BANP: variants seen among roughly 807,000 people sequenced by gnomAD.
BANP encodes the protein protein BANP.
A neutral mutation model predicts 68.1 loss-of-function variants in BANP; 11 were observed. The ratio of observed to expected loss-of-function variants is 0.16; its 90% CI spans 0.10 to 0.27. The LOEUF (loss-of-function observed/expected upper bound fraction) is 0.27, where lower values mean the gene tolerates loss of function less well. Ranked by LOEUF, BANP falls within the 10% of genes least tolerant of loss-of-function variation. BANP has a pLI of 1.00. For synonymous variants in BANP, 329 were observed against 303.2 expected (o/e 1.09, Z -0.88); for missense variants, 504 against 722.7 (o/e 0.70, Z 3.47).
rs1336768163 is a variant in BANP, at chr16:88,036,344, A to G, written c.1272+950A>G. Among the ~76,000 whole-genome samples, 1 of 152,182 alleles carries G rather than the reference A, an allele frequency of 6.6e-6. No individual in the cohort carries two copies. Among genetic ancestry groups the G allele is most frequent in the Non-Finnish European group, 1.5e-5 (1 of 68,016 alleles). On this transcript the variant is annotated intron_variant, in intron 10 of 13. Transcript: ENST00000682872. This position sits in a 1 kb window ranked among gnomAD's most constrained non-coding sequence, Gnocchi z 4.2. ...CCGGGTGCTGAGGTCAAGGGGACTC[A>G]TGGAGATGTTGGCGTGCGAGGCCTC...
At chr16:88,073,530 G>A (rs1333167792) in intron 13 of BANP, among the ~76,000 whole-genome samples, 7 of 150,752 alleles carry the variant, frequency 4.6e-5, no homozygotes, top group Non-Finnish European at 7.4e-5. Context: ...GGCCATGGGC[G>A]CAGAACGCAC....
At chr16:87,999,673 T>G (rs1233032235) in intron 4 of BANP, among the ~76,000 whole-genome samples, 2 of 26,826 alleles carry the variant, frequency 7.5e-5, no homozygotes, top group Admixed American at 3.4e-4. Flanking sequence ...TGCGCGGCTG[T>G]ACTTACCTGT....
At chr16:88,035,158 G>C in intron 9 of BANP, 165 bp from the exon 10 acceptor site, 3 of 698,788 alleles carry the variant, frequency 4.3e-6, no homozygotes, top group Non-Finnish European at 7.3e-6. Context: ...TGAACCAAAA[G>C]CTTAATTTAA....
intron 11 of BANP, among the ~76,000 whole-genome samples, chr16:88,063,952 C>T (rs2087672232): frequency 1.3e-5 from 2 of 152,192 alleles, no homozygotes; most frequent in African/African-American, 4.8e-5. Context: ...AATGTTTCTA[C>T]ATTGATTTTG....
intron 12 of BANP, among the ~76,000 whole-genome samples, chr16:88,070,490 G>A (rs1326509084): frequency 2.0e-5 from 3 of 152,188 alleles, no homozygotes; most frequent in Non-Finnish European, 4.4e-5. Context: ...CGCTCCTTAG[G>A]TTCATTCTGA....
At position 87,987,739 on chromosome 16, in the gene BANP, A is replaced by AT. The variant is rs2064836689; in HGVS notation, c.362+3480_362+3481insT. Among the ~76,000 whole-genome samples, 4 of 145,122 alleles carry AT rather than the reference A, an allele frequency of 2.8e-5. No individual in the cohort carries two copies. In the East Asian group the frequency reaches 8.1e-4, roughly 29 times the overall value. ...AAAAAAAAAAAAAAAAAAAAAAAAAAGGATGTTATTATGTCTGACATTTCT... is the reference window on the plus strand; with the variant it reads ...AAAAAAAAAAAAAAAAAAAAAAAAAATGGATGTTATTATGTCTGACATTTCT... On this transcript the variant is annotated intron_variant, in intron 4 of 13. Coordinates refer to ENST00000682872, the MANE Select transcript of BANP (RefSeq NM_001386991.1).
chr16:88,066,486 G>T (rs902449603), intron 12 of BANP, among the ~76,000 whole-genome samples: 1 of 152,194 alleles, frequency 6.6e-6, no homozygotes, highest in Non-Finnish European at 1.5e-5. Context: ...AAGGAACCCA[G>T]CTTCGACTCG....
chr16:87,969,779 A>C (rs2060782201), intron 1 of BANP, among the ~76,000 whole-genome samples: 1 of 151,606 alleles, frequency 6.6e-6, no homozygotes, highest in South Asian at 2.1e-4. Context: ...TGATCCACCC[A>C]CCTTAGCCTC....
At chr16:88,045,179 A>G (rs917470945) in intron 11 of BANP, among the ~76,000 whole-genome samples, 120 of 152,364 alleles carry the variant, frequency 7.9e-4, no homozygotes, top group African/African-American at 2.8e-3. Context: ...CATCTAGATC[A>G]GGAAAATTAG....
chr16:88,036,705 G>A lies in BANP; in HGVS notation c.1273-1268G>A, dbSNP rs2079452314. Among the ~76,000 whole-genome samples the A allele has an allele frequency of 2.0e-5, 3 of 152,254 alleles. No homozygotes were observed. Among genetic ancestry groups the A allele is most frequent in the South Asian group, 2.1e-4 (1 of 4,830 alleles). ...GAATGAGTGGGCTCATCCACACAGCGACATGACCAGGTCACTAAGAAACGT... is the reference window on the plus strand; with the variant it reads ...GAATGAGTGGGCTCATCCACACAGCAACATGACCAGGTCACTAAGAAACGT... On this transcript the variant is annotated intron_variant, in intron 10 of 13. Coordinates refer to ENST00000682872, the MANE Select transcript of BANP (RefSeq NM_001386991.1). This position sits in a 1 kb window ranked among gnomAD's most constrained non-coding sequence, Gnocchi z 4.2.
At chr16:88,044,486 T>G (rs1029630959) in intron 11 of BANP, among the ~76,000 whole-genome samples, 23 of 152,280 alleles carry the variant, frequency 1.5e-4, no homozygotes, top group African/African-American at 5.1e-4. Flanking sequence ...GTTCTGCTTT[T>G]CTGTTTCTCT....
At chr16:88,065,370 T>C in intron 12 of BANP, 38 bp downstream of exon 12, 1 of 739,398 alleles carries the variant, frequency 1.4e-6, no homozygotes, top group Non-Finnish European at 2.5e-6. Context: ...CCACCCTCTG[T>C]GGCTGGGAGG....
intron 6 of BANP, among the ~76,000 whole-genome samples, chr16:88,009,347 G>A (rs185030033): frequency 6.5e-4 from 99 of 152,324 alleles, no homozygotes; most frequent in African/African-American, 2.2e-3. Context: ...AGCCGCAGGA[G>A]ACAGATTGTT....
Position 88,072,153 on chromosome 16 carries a change from G to A in BANP, c.1462G>A (p.Asp488Asn), listed in dbSNP as rs147469146. The A allele has an allele frequency of 2.3e-5, 37 of 1,611,384 alleles. No homozygotes were observed. The highest frequency in any genetic ancestry group is 1.1e-4 in the African/African-American group (8 of 74,902). The change falls in exon 13 of 14, where the codon GAC becomes AAC. Residue 488 changes from aspartate to asparagine, a missense_variant. Physicochemically the swap from Asp to Asn is conservative, Grantham distance 23. Around this residue, in one of 3 missense-constraint regions of BANP, gnomAD observed 223 missense variants for 246.2 expected, o/e 0.91. Transcript: ENST00000682872. Reference protein sequence around the residue: ...GVDGSPLQGSDIQVQYVQLAP... With the variant: ...GVDGSPLQGSNIQVQYVQLAP... The stretch of plus-strand genomic sequence containing the variant: ...GGATGGGTCGCCACTCCAGGGCAGC[G>A]ACATCCAGGTTCAGTACGTGCAGCT...
At chr16:87,983,377 G>C (rs2063664936) in intron 3 of BANP, among the ~76,000 whole-genome samples, 1 of 152,220 alleles carries the variant, frequency 6.6e-6, no homozygotes, top group African/African-American at 2.4e-5. Flanking sequence ...CTCCTGGCTG[G>C]GACGGCAGCT....
At chr16:88,011,052 C>T (rs924548900) in intron 6 of BANP, among the ~76,000 whole-genome samples, 1 of 152,196 alleles carries the variant, frequency 6.6e-6, no homozygotes, top group African/African-American at 2.4e-5. Flanking sequence ...TGAGTGACCA[C>T]AATAAAACCA....
chr16:88,061,133 G>A (rs567577676), intron 11 of BANP, among the ~76,000 whole-genome samples: 1 of 152,334 alleles, frequency 6.6e-6, no homozygotes, highest in South Asian at 2.1e-4. Context: ...GTGCTTGATT[G>A]AGGTTCATGC....
rs575733236 is a variant in BANP at position 88,006,105 on chromosome 16, T to G, written c.495T>G (p.Arg165=). 40 of 1,613,720 alleles carry G rather than the reference T, an allele frequency of 2.5e-5. 1 individual carries two copies. In the South Asian group the frequency reaches 2.9e-4, roughly 12 times the overall value. ...TCCCGTTTAGCGCTGTGCCTGGGCG[T>G]CGGCAGAACACCATTGTGGTGAAGG... ...ENVISNAVPG[R]RQNTIVVKVP... is the part of the protein sequence containing the mutation. Residue 165 remains arginine (R), a synonymous_variant, in exon 6 of 14, where the codon CGT becomes CGG. Coordinates refer to ENST00000682872, the MANE Select transcript of BANP (RefSeq NM_001386991.1).
intron 12 of BANP, chr16:88,070,999 GC>G (rs529004006): frequency 3.2e-5 from 5 of 156,980 alleles, no homozygotes; most frequent in Non-Finnish European, 5.6e-5. Context: ...GCAGGTGAAA[GC>G]CCTGGTCCGG....
Sources: allele counts gnomAD v4.1 joint callset (sites outside exome capture counted in the v4.1 genomes callset), GRCh38; gene constraint gnomAD v4.1.1; regional missense constraint gnomAD v4.1.1; non-coding constraint Gnocchi (gnomAD v3.1); transcripts MANE v1.5; gene names NCBI Gene and HGNC (gene_info 2026-07-23, HGNC 2026-07-21).